The following SLC35F1 variants were observed in gnomAD, a reference collection of about 807,000 sequenced individuals.
The protein encoded by SLC35F1 is chromosome 6 open reading frame 169.
A neutral mutation model predicts 48.7 loss-of-function variants in SLC35F1; 14 were observed. The observed-to-expected ratio is 0.29, with a 90% CI of 0.19 to 0.45. The LOEUF (loss-of-function observed/expected upper bound fraction) is 0.45. SLC35F1 is among the 20% of genes least tolerant of loss of function. The pLI, the probability that SLC35F1 is intolerant of heterozygous loss-of-function variation, is 1.00. For synonymous variants in SLC35F1, 190 were observed against 202.2 expected, an observed-to-expected ratio of 0.94 and a Z score of 0.51; for missense variants, 404 against 500.0, an observed-to-expected ratio of 0.81 and a Z score of 1.83.
At position 118,102,569 on chromosome 6, in the gene SLC35F1, A is replaced by C. The variant is rs558616822; in HGVS notation, c.174-51876A>C. ...TGACAGCCCTGGATGACAAGGGATT[A>C]AAAATGTCTGTGGATGCTAAGTGAC... On this transcript the variant is annotated intron_variant, in intron 1 of 7. Transcript: ENST00000360388. 3.1e-4 allele frequency among the ~76,000 whole-genome samples: 47 copies of C among 152,340 alleles called. 1 individual carries two copies. In the South Asian group the frequency reaches 8.3e-3, roughly 27 times the overall value.
At chr6:118,043,776 T>C (rs919724570) in intron 1 of SLC35F1, among the ~76,000 whole-genome samples, 1 of 152,226 alleles carries the variant, frequency 6.6e-6, no homozygotes, top group Non-Finnish European at 1.5e-5. Context: ...TTTTTGACCT[T>C]TGTCAATTTT....
intron 1 of SLC35F1, among the ~76,000 whole-genome samples, chr6:118,145,056 C>T (rs62423695): frequency 0.48 from 72,237 of 151,906 alleles, 18,452 homozygotes; most frequent in Middle Eastern, 0.62. Flanking sequence ...TCCATGCAAC[C>T]GATACTACAG....
intron 3 of SLC35F1, among the ~76,000 whole-genome samples, chr6:118,265,452 C>T (rs1208317946): frequency 6.6e-6 from 1 of 152,148 alleles, no homozygotes; most frequent in Non-Finnish European, 1.5e-5. Context: ...AAGCATCAAA[C>T]AGGACTCGAC....
chr6:117,976,273 C>T (rs1776704698), intron 1 of SLC35F1, among the ~76,000 whole-genome samples: 1 of 152,176 alleles, frequency 6.6e-6, no homozygotes, highest in Admixed American at 6.5e-5. Context: ...GGCAACAAGA[C>T]ATTTACTCAA....
At chr6:118,138,589 C>T in intron 1 of SLC35F1, among the ~76,000 whole-genome samples, 1 of 152,162 alleles carries the variant, frequency 6.6e-6, no homozygotes, top group East Asian at 1.9e-4. Flanking sequence ...TTAGATTTAT[C>T]TGAAGTGTGC....
chr6:118,236,394 C>T (rs1775366017), intron 3 of SLC35F1, among the ~76,000 whole-genome samples: 1 of 152,102 alleles, frequency 6.6e-6, no homozygotes, highest in Non-Finnish European at 1.5e-5. Flanking sequence ...AATTCCATAC[C>T]ATTGCAAAGC....
intron 1 of SLC35F1, among the ~76,000 whole-genome samples, chr6:118,151,092 A>G (rs1186079224): frequency 6.6e-6 from 1 of 152,140 alleles, no homozygotes; most frequent in African/African-American, 2.4e-5. Flanking sequence ...CAATCCATGA[A>G]TGTCTCTTTC....
intron 7 of SLC35F1, among the ~76,000 whole-genome samples, chr6:118,296,013 G>A (rs1024906995): frequency 6.6e-6 from 1 of 152,112 alleles, no homozygotes; most frequent in Non-Finnish European, 1.5e-5. Context: ...CTAGCAGTGG[G>A]GAAGGGATGC....
At chr6:118,309,608 T>C (rs539468705) in intron 7 of SLC35F1, among the ~76,000 whole-genome samples, 1 of 152,380 alleles carries the variant, frequency 6.6e-6, no homozygotes, top group African/African-American at 2.4e-5. Flanking sequence ...TCACATAGTC[T>C]AGTTGATGTA....
intron 1 of SLC35F1, among the ~76,000 whole-genome samples, chr6:118,109,750 C>T (rs530024972): frequency 4.6e-5 from 7 of 152,052 alleles, no homozygotes; most frequent in African/African-American, 2.4e-5. Context: ...CAAACTATGC[C>T]AGACACACCA....
chr6:118,184,559 C>CA (rs1267269454), intron 2 of SLC35F1, among the ~76,000 whole-genome samples: 2 of 152,150 alleles, frequency 1.3e-5, no homozygotes, highest in Non-Finnish European at 2.9e-5. Context: ...AGGGAGGGTC[C>CA]AGCAGGAACT....
At chr6:118,100,189 C>A (rs189951713) in intron 1 of SLC35F1, among the ~76,000 whole-genome samples, 1 of 152,152 alleles carries the variant, frequency 6.6e-6, no homozygotes, top group African/African-American at 2.4e-5. Flanking sequence ...GGTGCCAAAG[C>A]CTAGGCATGC....
At chr6:118,150,737 A>G (rs1774044058) in intron 1 of SLC35F1, among the ~76,000 whole-genome samples, 2 of 152,230 alleles carry the variant, frequency 1.3e-5, no homozygotes, top group South Asian at 4.1e-4. Flanking sequence ...TGACCCAGTG[A>G]TAGGATAAGC....
In SLC35F1 at chr6:118,316,906, G is replaced by C. The variant is rs1239525116; in HGVS notation, c.*2654G>C. The C allele has an allele frequency of 6.6e-6, 1 of 152,074 alleles. No homozygotes were observed. The highest frequency in any genetic ancestry group is 1.5e-5 in the Non-Finnish European group (1 of 68,000). 9.4% of individuals were successfully genotyped at this position (152,074 alleles called of 1,614,324 possible). ...TGTTCAAGATCAGGAGTTCCAGACT[G>C]ACCCTCCAGGAAAAAAAAAATCGCA... On this transcript the variant is annotated 3_prime_UTR_variant, in exon 8 of 8. Coordinates refer to ENST00000360388, the MANE Select transcript of SLC35F1 (RefSeq NM_001029858.4).
At chr6:118,234,901 G>T (rs1245860642) in intron 2 of SLC35F1, among the ~76,000 whole-genome samples, 3 of 152,132 alleles carry the variant, frequency 2.0e-5, no homozygotes, top group African/African-American at 7.2e-5. Flanking sequence ...ATGCAAGATG[G>T]TGAAGATTAT....
chr6:118,095,342 G>T (rs549894738), intron 1 of SLC35F1, among the ~76,000 whole-genome samples: 1 of 152,310 alleles, frequency 6.6e-6, no homozygotes, highest in East Asian at 1.9e-4. Context: ...ACAAGGACAT[G>T]GAGGAGGCGT....
chr6:118,249,727 G>C (rs1775549242), intron 3 of SLC35F1, among the ~76,000 whole-genome samples: 1 of 152,130 alleles, frequency 6.6e-6, no homozygotes, highest in African/African-American at 2.4e-5. Context: ...GAAATAGCAG[G>C]AGTTATTTTT....
At chr6:117,910,146 G>A (rs1775744074) in intron 1 of SLC35F1, among the ~76,000 whole-genome samples, 1 of 152,188 alleles carries the variant, frequency 6.6e-6, no homozygotes. Flanking sequence ...AATTTATTTA[G>A]CATGCTGATG....
At chr6:118,163,484 G>A (rs150506925) in intron 2 of SLC35F1, among the ~76,000 whole-genome samples, 6 of 151,772 alleles carry the variant, frequency 4.0e-5, no homozygotes, top group African/African-American at 1.4e-4. Context: ...ATTCCCCCAT[G>A]CCAAATACTT....
Sources: allele counts gnomAD v4.1 joint callset (sites outside exome capture counted in the v4.1 genomes callset), GRCh38; gene constraint gnomAD v4.1.1; transcripts MANE v1.5; gene names NCBI Gene and HGNC (gene_info 2026-07-23, HGNC 2026-07-21).